ENO4: variants seen among roughly 807,000 people sequenced by gnomAD.
The protein encoded by ENO4 is enolase 4.
In ENO4, 53 loss-of-function variants were observed where a neutral mutation model predicts 63.2. The ratio of observed to expected loss-of-function variants is 0.84; its 90% CI spans 0.67 to 1.05. The LOEUF (loss-of-function observed/expected upper bound fraction) is 1.05, where lower values mean the gene tolerates loss of function less well. ENO4 is among the 50% of genes least tolerant of loss of function. ENO4 has a pLI of 0.00. For missense variants in ENO4, 719 were observed against 772.0 expected, an observed-to-expected ratio of 0.93 and a Z score of 0.81; for synonymous variants, 266 against 283.8, an observed-to-expected ratio of 0.94 and a Z score of 0.63.
At position 116,860,958 on chromosome 10, in the gene ENO4, A is replaced by T; in HGVS notation, c.799A>T (p.Asn267Tyr). The T allele has an allele frequency of 6.5e-7, 1 of 1,539,888 alleles. No homozygotes were observed. The highest frequency in any genetic ancestry group is 8.8e-7 in the Non-Finnish European group (1 of 1,139,042). Residue 267 changes from asparagine (N) to tyrosine (Y), a missense_variant, in exon 5 of 14, where the codon AAT becomes TAT. By Grantham distance (143) the Asn-to-Tyr change is moderately radical. Coordinates refer to ENST00000341276, the MANE Select transcript of ENO4 (RefSeq NM_001242699.2). ...LYLNIALLKHNQEQPTTLSMP... is the reference protein window; with the variant it reads ...LYLNIALLKHYQEQPTTLSMP... The stretch of plus-strand genomic sequence containing the variant: ...CTTAAATATCGCTCTACTGAAGCAC[A>T]ATCAGGTTAGTATCTATGAAGTTCC...
intron 8 of ENO4, 129 bp downstream of exon 8, chr10:116,868,835 A>ATTGC: frequency 1.2e-6 from 1 of 808,486 alleles, no homozygotes; most frequent in Non-Finnish European, 2.1e-6. Flanking sequence ...ATATAGTGAT[A>ATTGC]TTGCTCCAGA....
chr10:116,883,400 G>T (rs1018863070), downstream of ENO4: 15 of 152,172 alleles, frequency 9.9e-5, no homozygotes, highest in African/African-American at 3.6e-4. Context: ...GCTTGGAAGA[G>T]AAACTTCAAA....
chr10:116,861,221 TAAA>T (rs56177931), intron 6 of ENO4, 31 bp downstream of exon 6: 16,805 of 292,718 alleles, frequency 0.057, 108 homozygotes, highest in African/African-American at 0.063. Context: ...TTACCTTTTC[TAAA>T]AAAAAAAAAA....
chr10:116,879,878 C>A lies in ENO4; in HGVS notation c.1615C>A (p.Leu539Ile). 1 of 1,549,938 alleles carries A rather than the reference C, an allele frequency of 6.5e-7. No individual in the cohort carries two copies. Among genetic ancestry groups the A allele is most frequent in the South Asian group, 1.2e-5 (1 of 83,850 alleles). Residue 539 changes from leucine to isoleucine, a missense_variant, in exon 13 of 14, where the codon CTT (leucine) becomes ATT (isoleucine). Leu to Ile is a conservative substitution (Grantham distance 5). Coordinates refer to ENST00000341276, the MANE Select transcript of ENO4 (RefSeq NM_001242699.2). ...DDSLVDLAVG[L>I]GVRFIKLGGL... Reference sequence around the variant, plus strand: ...TTTTCCCCCCTTTCAGGCTGTTGGGCTTGGTGTCCGGTTCATCAAGTTGGG... The same window carrying A: ...TTTTCCCCCCTTTCAGGCTGTTGGGATTGGTGTCCGGTTCATCAAGTTGGG...
rs185511470 is a variant in ENO4 at position 116,865,181 on chromosome 10, C to T, written c.990+2329C>T. 1.2e-3 allele frequency among the ~76,000 whole-genome samples: 184 copies of T among 151,960 alleles called. 3 individuals carry two copies. Among genetic ancestry groups the T allele is most frequent in the Non-Finnish European group, 1.3e-4 (9 of 67,966 alleles). On this transcript the variant is annotated intron_variant, in intron 7 of 13. Coordinates refer to ENST00000341276, the MANE Select transcript of ENO4 (RefSeq NM_001242699.2). ...AATTCTTTACATAATAAGGGATTTACTCTTTTATTTTATTAATTTATTTTT... is the reference window on the plus strand; with the variant it reads ...AATTCTTTACATAATAAGGGATTTATTCTTTTATTTTATTAATTTATTTTT...
chr10:116,896,295 C>A (rs1480844322), intron 10 of ENO4, among the ~76,000 whole-genome samples: 1 of 152,142 alleles, frequency 6.6e-6, no homozygotes, highest in African/African-American at 2.4e-5. Flanking sequence ...TTCACCCACA[C>A]TGATGTATAC....
intron 10 of ENO4, among the ~76,000 whole-genome samples, chr10:116,896,897 C>T (rs936371077): frequency 6.6e-6 from 1 of 151,670 alleles, no homozygotes; most frequent in South Asian, 2.1e-4. Flanking sequence ...ACCTCCACCT[C>T]CTGGGTTCAA....
intron 13 of ENO4, among the ~76,000 whole-genome samples, chr10:116,881,104 T>C (rs903673120): frequency 6.6e-6 from 1 of 152,150 alleles, no homozygotes; most frequent in South Asian, 2.1e-4. Context: ...GCCATTAAAA[T>C]GTTGTCAATA....
chr10:116,901,848 GA>G, intron 10 of ENO4: 1 of 1,605,770 alleles, frequency 6.2e-7, no homozygotes, highest in Non-Finnish European at 8.5e-7. Context: ...ACGGGCTGTT[GA>G]ATTCTGCCTC....
intron 1 of ENO4, among the ~76,000 whole-genome samples, chr10:116,851,623 T>C (rs892072188): frequency 3.3e-5 from 5 of 152,204 alleles, no homozygotes; most frequent in Admixed American, 6.5e-5. Context: ...CAGAGCAGTG[T>C]CCTAACATGC....
chr10:116,871,055 C>A (rs981407759), intron 8 of ENO4, 70 bp from the exon 9 acceptor site: 6 of 1,348,662 alleles, frequency 4.4e-6, no homozygotes, highest in Non-Finnish European at 6.1e-6. Flanking sequence ...ATAAACCATG[C>A]TTATCACAGG....
intron 10 of ENO4, among the ~76,000 whole-genome samples, chr10:116,888,208 C>A (rs1847222993): frequency 6.6e-6 from 1 of 152,186 alleles, no homozygotes; most frequent in Admixed American, 6.5e-5. Context: ...GGCACCATGA[C>A]ATTGTCCATC....
chr10:116,893,873 G>C (rs1847425791), intron 10 of ENO4, among the ~76,000 whole-genome samples: 1 of 152,100 alleles, frequency 6.6e-6, no homozygotes, highest in Non-Finnish European at 1.5e-5. Context: ...TATTTCAAAA[G>C]CTCATAATCT....
chr10:116,908,686 G>GTACA (rs555226880), intron 10 of ENO4, among the ~76,000 whole-genome samples: 62 of 152,182 alleles, frequency 4.1e-4, no homozygotes, highest in South Asian at 2.3e-3. Context: ...GTGTGTGTTC[G>GTACA]TACATACATA....
chr10:116,872,464 A>G (rs1846724191), intron 9 of ENO4, among the ~76,000 whole-genome samples: 1 of 152,020 alleles, frequency 6.6e-6, no homozygotes, highest in Non-Finnish European at 1.5e-5. Context: ...AAGTCTCACT[A>G]GATCTGATGG....
intron 10 of ENO4, among the ~76,000 whole-genome samples, chr10:116,893,246 T>A (rs1267432105): frequency 1.3e-5 from 2 of 151,802 alleles, no homozygotes; most frequent in Admixed American, 6.6e-5. Context: ...GGAAAAAAAA[T>A]GAAGTGAAGG....
At chr10:116,898,262 A>G (rs148033509) in intron 10 of ENO4, among the ~76,000 whole-genome samples, 2 of 151,960 alleles carry the variant, frequency 1.3e-5, no homozygotes, top group African/African-American at 4.8e-5. Flanking sequence ...TGGGTGGCGG[A>G]GGTTGCAGTG....
chr10:116,881,009 G>C (rs918264450), intron 13 of ENO4, among the ~76,000 whole-genome samples: 1 of 152,174 alleles, frequency 6.6e-6, no homozygotes, highest in African/African-American at 2.4e-5. Context: ...ACTGGCCTTG[G>C]TGAATCACTA....
chr10:116,893,297 G>A (rs1303707561), intron 10 of ENO4, among the ~76,000 whole-genome samples: 1 of 152,088 alleles, frequency 6.6e-6, no homozygotes, highest in East Asian at 1.9e-4. Context: ...TGCTAATTTT[G>A]TTGTTAAAAC....
Sources: allele counts gnomAD v4.1 joint callset (sites outside exome capture counted in the v4.1 genomes callset), GRCh38; gene constraint gnomAD v4.1.1; transcripts MANE v1.5; gene names NCBI Gene and HGNC (gene_info 2026-07-23, HGNC 2026-07-21).